The following NCOA1 variants were observed in gnomAD, a reference collection of about 807,000 sequenced individuals.
NCOA1 encodes Hin-2 protein.
Under a neutral mutation model 150.9 loss-of-function variants are expected in NCOA1, and 35 were observed. That is an observed-to-expected ratio of 0.23 (90% CI 0.18 to 0.31). NCOA1 has a LOEUF of 0.31. NCOA1 is among the 10% of genes least tolerant of loss of function. The probability of loss-of-function intolerance (pLI) is 1.00; values close to 1 mark genes in which losing one functional copy is unlikely to be tolerated. For synonymous variants in NCOA1, 590 were observed against 630.0 expected (o/e 0.94, Z 0.95); for missense variants, 1,491 against 1,749.3 (o/e 0.85, Z 2.63).
chr2:24,526,714 C>CA (rs11337079), intron 1 of NCOA1, among the ~76,000 whole-genome samples: 34,541 of 145,528 alleles, frequency 0.24, 4,090 homozygotes, highest in East Asian at 0.4. Flanking sequence ...GACCCTTTCT[C>CA]AAAAAAAAAA....
intron 8 of NCOA1, among the ~76,000 whole-genome samples, chr2:24,690,650 T>TAA: frequency 1.8e-4 from 1 of 5,680 alleles, no homozygotes; most frequent in Non-Finnish European, 5.6e-4. Context: ...AGATTCCATC[T>TAA]CAAAAAAAAA....
At chr2:24,495,995 A>G (rs1350505801) in intron 1 of NCOA1, among the ~76,000 whole-genome samples, 1 of 151,900 alleles carries the variant, frequency 6.6e-6, no homozygotes, top group Non-Finnish European at 1.5e-5. Flanking sequence ...TTTTTCCTTT[A>G]TTTCTGGTTC....
intron 4 of NCOA1, among the ~76,000 whole-genome samples, chr2:24,646,857 C>T (rs1326915789): frequency 2.6e-5 from 4 of 151,920 alleles, no homozygotes; most frequent in Non-Finnish European, 2.9e-5. Flanking sequence ...CACATACACA[C>T]ACACACAAAT....
chr2:24,554,897 TA>T (rs961370570), intron 1 of NCOA1, among the ~76,000 whole-genome samples: 2 of 152,158 alleles, frequency 1.3e-5, no homozygotes, highest in Non-Finnish European at 2.9e-5. Context: ...CTTCTCTACT[TA>T]CCGTTTTGAT....
intron 5 of NCOA1, among the ~76,000 whole-genome samples, chr2:24,664,526 T>G (rs1671325091): frequency 6.6e-6 from 1 of 152,016 alleles, no homozygotes; most frequent in African/African-American, 2.4e-5. Context: ...CTGGCCAACA[T>G]GGTGAAACCC....
At chr2:24,669,917 C>G (rs1033165003) in intron 6 of NCOA1, among the ~76,000 whole-genome samples, 1 of 152,142 alleles carries the variant, frequency 6.6e-6, no homozygotes, top group Non-Finnish European at 1.5e-5. Context: ...GTGAGAAGAT[C>G]GCTTGAGCCC....
chr2:24,759,531 TA>T (rs1664669976), intron 21 of NCOA1, among the ~76,000 whole-genome samples: 1 of 152,176 alleles, frequency 6.6e-6, no homozygotes, highest in Admixed American at 6.5e-5. Flanking sequence ...AGAGAATGAA[TA>T]AATTCAAAAC....
At position 24,508,579 on chromosome 2, in the gene NCOA1, T is replaced by C. The variant is rs544871464; in HGVS notation, c.-396+16977T>C. Among the ~76,000 whole-genome samples the C allele has an allele frequency of 2.6e-5, 4 of 152,236 alleles. No individual in the cohort carries two copies. In the East Asian group the frequency reaches 5.8e-4, roughly 22 times the overall value. On this transcript the variant is annotated intron_variant, in intron 1 of 22. Transcript: ENST00000348332. ...TTCAAAAAAATTTTAATGAATGAAA[T>C]GTCTCAAGTCTTTTTTAAAATTTGT...
rs960005022 is a variant in NCOA1, at chr2:24,716,787, C to T, written c.2599+5676C>T. 2.0e-5 allele frequency among the ~76,000 whole-genome samples: 3 copies of T among 152,186 alleles called. No homozygotes were observed. The East Asian group carries it at 5.8e-4, about 29-fold the overall frequency. On this transcript the variant is annotated intron_variant, in intron 14 of 22. Transcript: ENST00000348332. ...ACCTTTCAAAACAGAAATCACTAGG[C>T]TAAACCCAGATGGGTTCACTTGTAA...
intron 7 of NCOA1, among the ~76,000 whole-genome samples, chr2:24,679,420 A>G (rs1276307193): frequency 6.6e-6 from 1 of 152,190 alleles, no homozygotes; most frequent in Non-Finnish European, 1.5e-5. Context: ...AGTCTCAAAA[A>G]TTATTCCCTG....
chr2:24,684,363 T>C lies in NCOA1; in HGVS notation c.532+1235T>C, dbSNP rs557477223. 7.9e-5 allele frequency among the ~76,000 whole-genome samples: 12 copies of C among 152,312 alleles called. No homozygotes were observed. The South Asian group carries it at 2.5e-3, about 32-fold the overall frequency. ...GGCCTACAGTCACAGAAAACAAGGA[T>C]GAGCTGTTTTCTGACTCCTGAAGAA... is the stretch of plus-strand genomic sequence containing the variant. On this transcript the variant is annotated intron_variant, in intron 8 of 22. Transcript: ENST00000348332.
chr2:24,768,060 A>G, intron 22 of NCOA1, 161 bp from the exon 23 acceptor site: 6 of 1,612,984 alleles, frequency 3.7e-6, no homozygotes, highest in Non-Finnish European at 5.1e-6. Context: ...AAATGAGTGC[A>G]GCGATTTTCT....
intron 14 of NCOA1, among the ~76,000 whole-genome samples, chr2:24,725,708 AGTGTGCGTGT>A (rs993311258): frequency 6.4e-5 from 5 of 78,296 alleles, no homozygotes; most frequent in African/African-American, 1.8e-4. Context: ...GTGGACCTAA[AGTGTGCGTGT>A]GTGTGTGTGT....
rs1666872644 is a variant in NCOA1 at position 24,574,547 on chromosome 2, A to G, written c.-259-9929A>G. Among the ~76,000 whole-genome samples, 3 of 152,182 alleles carry G rather than the reference A, an allele frequency of 2.0e-5. No homozygotes were observed. The South Asian group carries it at 6.2e-4, about 32-fold the overall frequency. On this transcript the variant is annotated intron_variant, in intron 2 of 22. Transcript: ENST00000348332. ...AAAACAATTGAGAAAAGAAAAAACA[A>G]CCAGAAACTCAAAACTTAAAGATAT...
chr2:24,709,534 AGAG>A (rs1302660558), intron 13 of NCOA1, among the ~76,000 whole-genome samples: 1 of 152,182 alleles, frequency 6.6e-6, no homozygotes, highest in Non-Finnish European at 1.5e-5. Context: ...TTGACTTTTA[AGAG>A]TTCTTTATGT....
chr2:24,532,287 A>AT (rs1185763117), intron 1 of NCOA1, among the ~76,000 whole-genome samples: 1 of 152,028 alleles, frequency 6.6e-6, no homozygotes, highest in African/African-American at 2.4e-5. Context: ...TCCTTTGCCC[A>AT]TTTTTTGATG....
intron 1 of NCOA1, chr2:24,554,360 G>GT (rs1665984898): frequency 6.6e-6 from 1 of 152,122 alleles, no homozygotes; most frequent in African/African-American, 2.4e-5. Context: ...GTTTGTTTTT[G>GT]TTTTTTGTTG....
intron 3 of NCOA1, among the ~76,000 whole-genome samples, chr2:24,606,052 T>A (rs1308696465): frequency 2.6e-5 from 4 of 152,176 alleles, no homozygotes; most frequent in African/African-American, 9.6e-5. Context: ...CTAGATTACC[T>A]TTATGAAGCA....
chr2:24,648,216 T>C (rs898102146), intron 4 of NCOA1, among the ~76,000 whole-genome samples: 9 of 152,126 alleles, frequency 5.9e-5, no homozygotes, highest in African/African-American at 1.9e-4. Flanking sequence ...GGTTTTAAGC[T>C]GGACTTTACA....
Sources: gnomAD v4.1 joint callset for allele counts (sites outside exome capture counted in the v4.1 genomes callset) on GRCh38, gnomAD v4.1.1 for gene constraint, MANE v1.5 for transcripts, NCBI Gene and HGNC (gene_info 2026-07-23, HGNC 2026-07-21) for gene names.